MCF2L: variants seen among roughly 807,000 people sequenced by gnomAD.
MCF2L encodes MCF.2 cell line derived transforming sequence like.
A neutral mutation model predicts 153.4 loss-of-function variants in MCF2L; 97 were observed. The ratio of observed to expected loss-of-function variants is 0.63; its 90% CI spans 0.54 to 0.75. MCF2L has a LOEUF of 0.75. Among genes scored for constraint, MCF2L ranks in the 30% least tolerant of loss-of-function variants. The pLI, the probability that MCF2L is intolerant of heterozygous loss-of-function variation, is 0.00. For synonymous variants in MCF2L, 659 were observed against 632.2 expected, an observed-to-expected ratio of 1.04 and a Z score of -0.64; for missense variants, 1,347 against 1,495.2, an observed-to-expected ratio of 0.90 and a Z score of 1.64.
upstream of MCF2L, among the ~76,000 whole-genome samples, chr13:112,964,506 T>C (rs979632624): frequency 2.0e-5 from 3 of 152,240 alleles, no homozygotes; most frequent in Non-Finnish European, 4.4e-5. Context: ...ATAAAAATCA[T>C]GTACAGATTT....
In MCF2L at chr13:113,078,499, G is replaced by A. The variant is rs368107018; in HGVS notation, c.1734+63G>A. 12 of 1,483,038 alleles carry A rather than the reference G, an allele frequency of 8.1e-6. No homozygotes were observed. The African/African-American group carries it at 1.4e-4, about 17-fold the overall frequency. 91.9% of individuals were successfully genotyped at this position (1,483,038 alleles called of 1,614,324 possible). A position where few individuals can be genotyped will look rare whatever the true frequency, so the allele number is the denominator to read the frequency against. On this transcript the variant is annotated intron_variant, in intron 14 of 29. Coordinates refer to ENST00000535094, the MANE Select transcript of MCF2L (RefSeq NM_001112732.3). ...CCCTCCTTGGTTCACGCTGGGCCTG[G>A]TTCTCCGTGTGGCCCCCCCTCCCGG...
Position 112,983,628 on chromosome 13 carries a change from T to A in MCF2L, c.79+14170T>A, listed in dbSNP as rs139338289. ...GATGCCTGTGGCCTCTTTACAGCTC[T>A]GTCCCCTGCCTTATCTCGCTGGCTC... On this transcript the variant is annotated intron_variant, in intron 1 of 29. Coordinates refer to ENST00000535094, the MANE Select transcript of MCF2L (RefSeq NM_001112732.3). This position sits in a 1 kb window ranked among gnomAD's most constrained non-coding sequence, Gnocchi z 4.0. Among the ~76,000 whole-genome samples the A allele has an allele frequency of 1.8e-3, 269 of 152,340 alleles. 1 individual carries two copies. The highest frequency in any genetic ancestry group is 3.1e-3 in the Non-Finnish European group (211 of 68,030).
At chr13:113,075,800 G>A (rs532556254) in intron 11 of MCF2L, among the ~76,000 whole-genome samples, 166 bp from the exon 12 acceptor site, 13 of 104,504 alleles carry the variant, frequency 1.2e-4, no homozygotes, top group African/African-American at 4.4e-4. Flanking sequence ...GATTGGCCTT[G>A]TCCAGCACTG....
intron 1 of MCF2L, among the ~76,000 whole-genome samples, chr13:112,986,268 G>A (rs1254501953): frequency 4.6e-5 from 7 of 152,272 alleles, no homozygotes; most frequent in African/African-American, 1.7e-4. Flanking sequence ...CCAGAGTGCT[G>A]AGTCCTTGTC....
rs1458356851 is a variant in MCF2L, at chr13:112,969,957, A to G, written c.79+499A>G. ...ACCTAAGACAGATGTTTGAGACGGT[A>G]TGGGTAAAGAGTGGACTGGACGTTC... On this transcript the variant is annotated intron_variant, in intron 1 of 29. Coordinates refer to ENST00000535094, the MANE Select transcript of MCF2L (RefSeq NM_001112732.3). The surrounding 1 kb of genome is among the most constrained non-coding windows in gnomAD (Gnocchi z 4.8). 6.6e-6 allele frequency among the ~76,000 whole-genome samples: 1 copy of G among 152,298 alleles called. No homozygotes were observed. Among genetic ancestry groups the G allele is most frequent in the East Asian group, 1.9e-4 (1 of 5,190 alleles).
At chr13:113,095,392 G>A (rs769354418) in intron 27 of MCF2L, 136 of 1,124,634 alleles carry the variant, frequency 1.2e-4, no homozygotes, top group Non-Finnish European at 1.4e-4. Flanking sequence ...AGGCCTGGGC[G>A]TGAGAACAGA....
chr13:113,031,292 T>G lies in MCF2L; in HGVS notation c.278+6534T>G. 6.6e-6 allele frequency among the ~76,000 whole-genome samples: 1 copy of G among 150,434 alleles called. No individual in the cohort carries two copies. The highest frequency in any genetic ancestry group is 2.5e-5 in the African/African-American group (1 of 40,752). ...AGACAGAGACACGGAGACACAGAGATAAAGAGAGCACGAGGGAGGCAGAGG... is the reference window on the plus strand; with the variant it reads ...AGACAGAGACACGGAGACACAGAGAGAAAGAGAGCACGAGGGAGGCAGAGG... On this transcript the variant is annotated intron_variant, in intron 3 of 29. Coordinates refer to ENST00000535094, the MANE Select transcript of MCF2L (RefSeq NM_001112732.3). This position sits in a 1 kb window ranked among gnomAD's most constrained non-coding sequence, Gnocchi z 5.5.
At chr13:113,075,330 C>A in intron 11 of MCF2L, 141 bp downstream of exon 11, 3 of 644,794 alleles carry the variant, frequency 4.7e-6, no homozygotes, top group Non-Finnish European at 7.4e-6. Flanking sequence ...CGTTTCTGGT[C>A]TTGTTGGCCT....
chr13:113,020,605 G>A (rs2084810851), intron 2 of MCF2L, among the ~76,000 whole-genome samples: 1 of 152,242 alleles, frequency 6.6e-6, no homozygotes, highest in South Asian at 2.1e-4. Context: ...CTGTCCTCAT[G>A]TGGCCAGGCG....
At position 113,089,740 on chromosome 13, in the gene MCF2L, CA is replaced by C; in HGVS notation, c.2953+13del. 1 of 1,609,970 alleles carries C rather than the reference CA, an allele frequency of 6.2e-7. No individual in the cohort carries two copies. Among genetic ancestry groups the C allele is most frequent in the Non-Finnish European group, 8.5e-7 (1 of 1,176,770 alleles). On this transcript the variant is annotated intron_variant, in intron 26 of 29. Coordinates refer to ENST00000535094, the MANE Select transcript of MCF2L (RefSeq NM_001112732.3). ...CGAAAAGGGCAAAGGTGGGTATGTG[CA>C]GGGACCGGGCCTCACACGGAGGCCT...
rs766126600 is a variant in MCF2L at position 113,094,606 on chromosome 13, G to A, written c.3046G>A (p.Glu1016Lys). The A allele has an allele frequency of 6.2e-7, 1 of 1,612,132 alleles. No homozygotes were observed. Among genetic ancestry groups the A allele is most frequent in the Non-Finnish European group, 8.5e-7 (1 of 1,179,596 alleles). ...EEQINSSDAE[E>K]DGGLGPKKLV... The stretch of plus-strand genomic sequence containing the variant: ...GCAGATTAACTCGTCCGACGCAGAG[G>A]AGGACGGCGGGTTGGGCCCCAAGAA... The change falls in exon 27 of 30, where the codon GAG (glutamate) becomes AAG (lysine). Residue 1016 changes from glutamate to lysine, a missense_variant. Around this residue, in one of 3 missense-constraint regions of MCF2L, gnomAD observed 383 missense variants for 335.4 expected, o/e 1.14. Coordinates refer to ENST00000535094, the MANE Select transcript of MCF2L (RefSeq NM_001112732.3).
chr13:113,050,199 G>A lies in MCF2L; in HGVS notation c.369+4838G>A, dbSNP rs1050491976. Among the ~76,000 whole-genome samples, 7 of 150,814 alleles carry A rather than the reference G, an allele frequency of 4.6e-5. No homozygotes were observed. The East Asian group carries it at 1.4e-3, about 29-fold the overall frequency. On this transcript the variant is annotated intron_variant, in intron 4 of 29. Transcript: ENST00000535094. Reference sequence around the variant, plus strand: ...GACTGTGTGTGTGTGCGAGCGAGTGGGAGTGTAAGTGAATGTGAGACTGTG... The same window carrying A: ...GACTGTGTGTGTGTGCGAGCGAGTGAGAGTGTAAGTGAATGTGAGACTGTG...
rs192037672 is a variant in MCF2L at position 113,046,098 on chromosome 13, G to A, written c.369+737G>A. ...GGTTTGCTGTTGGTTTTAACCCAGA[G>A]TAATCATTTAAGAGGGAAGAGATTA... On this transcript the variant is annotated intron_variant, in intron 4 of 29. Transcript: ENST00000535094. This position sits in a 1 kb window ranked among gnomAD's most constrained non-coding sequence, Gnocchi z 4.4. 3 of 157,276 alleles carry A rather than the reference G, an allele frequency of 1.9e-5. No individual in the cohort carries two copies. The highest frequency in any genetic ancestry group is 4.2e-5 in the Non-Finnish European group (3 of 71,482). 9.7% of individuals were successfully genotyped at this position (157,276 alleles called of 1,614,324 possible).
rs1217022349 is a variant in MCF2L at position 112,941,329 on chromosome 13, A to G, written c.169+38958A>G. On this transcript the variant is annotated intron_variant, in intron 2 of 29. Transcript: ENST00000375608. The surrounding 1 kb of genome is among the most constrained non-coding windows in gnomAD (Gnocchi z 4.9). Reference sequence around the variant, plus strand: ...GCCATATATATATATTTCATATTATATATTATATATAATTCAAATAGAAAT... The same window carrying G: ...GCCATATATATATATTTCATATTATGTATTATATATAATTCAAATAGAAAT... 6.7e-6 allele frequency among the ~76,000 whole-genome samples: 1 copy of G among 148,914 alleles called. No individual in the cohort carries two copies. Among genetic ancestry groups the G allele is most frequent in the Non-Finnish European group, 1.5e-5 (1 of 67,392 alleles).
intron 26 of MCF2L, 107 bp from the exon 27 acceptor site, chr13:113,094,407 C>A: frequency 1.6e-6 from 2 of 1,215,236 alleles, no homozygotes; most frequent in Non-Finnish European, 2.3e-6. Context: ...TGGGGGCCCA[C>A]GGCACACATT....
rs1291859201 is a variant in MCF2L, at chr13:113,035,033, G to C, written c.279-10238G>C. 6.6e-6 allele frequency among the ~76,000 whole-genome samples: 1 copy of C among 152,196 alleles called. No homozygotes were observed. Among genetic ancestry groups the C allele is most frequent in the East Asian group, 1.9e-4 (1 of 5,186 alleles). ...GGGCGGGAAAAGGAGGAAGAGCATG[G>C]CCCCCGTGAAGCCCCTCGGGAGGAA... is the stretch of plus-strand genomic sequence containing the variant. On this transcript the variant is annotated intron_variant, in intron 3 of 29. Coordinates refer to ENST00000535094, the MANE Select transcript of MCF2L (RefSeq NM_001112732.3). This position sits in a 1 kb window ranked among gnomAD's most constrained non-coding sequence, Gnocchi z 4.4.
chr13:112,946,030 G>A (rs2081633989), intron 2 of MCF2L, among the ~76,000 whole-genome samples: 1 of 151,988 alleles, frequency 6.6e-6, no homozygotes, highest in East Asian at 1.9e-4. Flanking sequence ...GGCTCTTCTG[G>A]GGTATCATGT....
In MCF2L at chr13:113,028,847, G is replaced by A. The variant is rs2141335894; in HGVS notation, c.278+4089G>A. On this transcript the variant is annotated intron_variant, in intron 3 of 29. Coordinates refer to ENST00000535094, the MANE Select transcript of MCF2L (RefSeq NM_001112732.3). The surrounding 1 kb of genome is among the most constrained non-coding windows in gnomAD (Gnocchi z 5.4). ...TGTGGTGTGTGTGGGGTGAGTGTGTGGTGTGTGTGGCGTGTGCGGGGTGTG... is the reference window on the plus strand; with the variant it reads ...TGTGGTGTGTGTGGGGTGAGTGTGTAGTGTGTGTGGCGTGTGCGGGGTGTG... 6.6e-6 allele frequency among the ~76,000 whole-genome samples: 1 copy of A among 151,344 alleles called. No homozygotes were observed. Among genetic ancestry groups the A allele is most frequent in the East Asian group, 1.9e-4 (1 of 5,144 alleles).
intron 2 of MCF2L, among the ~76,000 whole-genome samples, chr13:112,959,049 G>A (rs1263456143): frequency 2.0e-5 from 3 of 152,198 alleles, no homozygotes; most frequent in South Asian, 2.1e-4. Context: ...AATGAGCGTC[G>A]CATCCCAAAT....
Sources: gnomAD v4.1 joint callset for allele counts (sites outside exome capture counted in the v4.1 genomes callset) on GRCh38, gnomAD v4.1.1 for gene constraint, gnomAD v4.1.1 regional missense constraint, Gnocchi (gnomAD v3.1) non-coding constraint, MANE v1.5 for transcripts, NCBI Gene and HGNC (gene_info 2026-07-23, HGNC 2026-07-21) for gene names.